The following SLIT3 variants were observed in gnomAD, a reference collection of about 807,000 sequenced individuals.
The protein encoded by SLIT3 is slit homolog 3 protein.
Under a neutral mutation model 184.0 loss-of-function variants are expected in SLIT3, and 68 were observed. The ratio of observed to expected loss-of-function variants is 0.37; its 90% CI spans 0.30 to 0.45. The LOEUF (loss-of-function observed/expected upper bound fraction) is 0.45. Ranked by LOEUF, SLIT3 falls within the 20% of genes least tolerant of loss-of-function variation. The pLI, the probability that SLIT3 is intolerant of heterozygous loss-of-function variation, is 1.00. For missense variants in SLIT3, 1,707 were observed against 2,026.0 expected (o/e 0.84, Z 3.02); for synonymous variants, 831 against 828.6 (o/e 1.00, Z -0.05).
intron 4 of SLIT3, among the ~76,000 whole-genome samples, chr5:169,056,560 T>C (rs1177476785): frequency 6.6e-6 from 1 of 152,032 alleles, no homozygotes; most frequent in African/African-American, 2.4e-5. Flanking sequence ...AATGGATCGT[T>C]GGCCACCTTC....
intron 1 of SLIT3, among the ~76,000 whole-genome samples, chr5:169,284,447 T>C (rs1458995227): frequency 6.6e-6 from 1 of 152,088 alleles, no homozygotes; most frequent in African/African-American, 2.4e-5. Flanking sequence ...GCATGAGTCA[T>C]TGTTCAGTGC....
rs1206395556 is a variant in SLIT3, at chr5:168,664,956, G to A, written c.*1498C>T. 2 of 152,256 alleles carry A rather than the reference G, an allele frequency of 1.3e-5. No homozygotes were observed. Among genetic ancestry groups the A allele is most frequent in the South Asian group, 4.1e-4 (2 of 4,830 alleles). The allele number at this position is 152,256 out of a possible 1,614,324, so 9.4% of individuals were successfully genotyped here. ...AGAATCTTTCCAGATACTGCGGAGG[G>A]AGAAGGAGTGAGCAAGGCAGAACAA... On this transcript the variant is annotated 3_prime_UTR_variant, in exon 36 of 36. Coordinates refer to ENST00000519560, the MANE Select transcript of SLIT3 (RefSeq NM_003062.4).
chr5:169,027,337 T>A (rs1046767650), intron 4 of SLIT3, among the ~76,000 whole-genome samples: 1 of 152,180 alleles, frequency 6.6e-6, no homozygotes, highest in African/African-American at 2.4e-5. Flanking sequence ...GTTATAATAT[T>A]TCTTGATGCT....
chr5:168,837,397 C>G (rs1255639680), intron 6 of SLIT3, among the ~76,000 whole-genome samples: 1 of 152,148 alleles, frequency 6.6e-6, no homozygotes, highest in Admixed American at 6.5e-5. Context: ...CTGTAACACA[C>G]CAATTTTCAC....
intron 1 of SLIT3, among the ~76,000 whole-genome samples, chr5:169,295,146 A>G (rs1461658270): frequency 6.6e-6 from 1 of 152,260 alleles, no homozygotes; most frequent in Non-Finnish European, 1.5e-5. Context: ...CTATGACATT[A>G]CAAAAGCTAC....
intron 5 of SLIT3, among the ~76,000 whole-genome samples, chr5:168,874,943 G>C (rs911998980): frequency 9.2e-5 from 14 of 152,182 alleles, no homozygotes; most frequent in African/African-American, 3.4e-4. Context: ...AAATTCACTA[G>C]AGCAGGACCG....
chr5:168,940,290 T>C (rs1397604198), intron 4 of SLIT3, among the ~76,000 whole-genome samples: 2 of 152,246 alleles, frequency 1.3e-5, no homozygotes, highest in Non-Finnish European at 2.9e-5. Flanking sequence ...GGTGCTTCTA[T>C]AGTTTGTCAT....
intron 20 of SLIT3, among the ~76,000 whole-genome samples, chr5:168,730,034 T>C (rs1180155742): frequency 2.6e-5 from 4 of 151,666 alleles, no homozygotes; most frequent in African/African-American, 9.7e-5. Flanking sequence ...AAAAAGATAT[T>C]CCATACAAAC....
Position 168,710,902 on chromosome 5 carries a change from C to T in SLIT3, c.2712G>A (p.Gln904=). Residue 904 remains glutamine, a synonymous_variant, in exon 25 of 36, where the codon CAG becomes CAA. Coordinates refer to ENST00000519560, the MANE Select transcript of SLIT3 (RefSeq NM_003062.4). ...GGTGTGGGCGTCACCTACCTTTGCA[C>T]TGGAAGCGGTGGGTTGGGGTGGTGA... ...LLLTTPTHRF[Q]CKGPVDINIV... 2 of 1,544,294 alleles carry T rather than the reference C, an allele frequency of 1.3e-6. No homozygotes were observed. Among genetic ancestry groups the T allele is most frequent in the Non-Finnish European group, 1.8e-6 (2 of 1,141,750 alleles).
chr5:169,183,351 G>GGT (rs1203546118), intron 4 of SLIT3, among the ~76,000 whole-genome samples: 1 of 152,200 alleles, frequency 6.6e-6, no homozygotes, highest in African/African-American at 2.4e-5. Context: ...TGTGCGAGGA[G>GGT]GTGAGCTTGT....
chr5:169,135,978 C>T lies in SLIT3; in HGVS notation c.413+57501G>A, dbSNP rs538814846. Among the ~76,000 whole-genome samples the T allele has an allele frequency of 1.2e-4, 19 of 152,346 alleles. No homozygotes were observed. In the South Asian group the frequency reaches 3.1e-3, roughly 25 times the overall value. On this transcript the variant is annotated intron_variant, in intron 4 of 35. Transcript: ENST00000519560. ...CATTACAGATCACTTCTCTATATCA[C>T]GGACACGGATACACAAACTCCTTTC... is the stretch of plus-strand genomic sequence containing the variant.
chr5:168,681,058 A>G (rs1761574997), intron 32 of SLIT3, among the ~76,000 whole-genome samples: 1 of 152,212 alleles, frequency 6.6e-6, no homozygotes, highest in South Asian at 2.1e-4. Context: ...CTGAGGTAGG[A>G]GGATCACTTG....
At chr5:168,723,826 G>A (rs1032430688) in intron 21 of SLIT3, among the ~76,000 whole-genome samples, 8 of 152,016 alleles carry the variant, frequency 5.3e-5, no homozygotes, top group African/African-American at 1.9e-4. Context: ...TGATTTAATT[G>A]GTCTAGCATG....
At chr5:168,789,984 A>T (rs1444374585) in intron 10 of SLIT3, 1 of 204,098 alleles carries the variant, frequency 4.9e-6, no homozygotes, top group East Asian at 1.3e-4. Flanking sequence ...TTAACGACAC[A>T]GATGAAACAG....
At chr5:168,985,724 C>T (rs1431227284) in intron 4 of SLIT3, among the ~76,000 whole-genome samples, 6 of 152,098 alleles carry the variant, frequency 3.9e-5, no homozygotes, top group South Asian at 4.1e-4. Flanking sequence ...CACCTTGAAC[C>T]GGGAGGCTGT....
At chr5:168,789,687 A>G in intron 10 of SLIT3, 56 bp from the exon 11 acceptor site, 1 of 1,306,620 alleles carries the variant, frequency 7.7e-7, no homozygotes. Flanking sequence ...GATAACGGTC[A>G]CTCCTAAGTG....
chr5:168,788,736 T>C (rs1241671678), intron 11 of SLIT3, among the ~76,000 whole-genome samples: 1 of 151,918 alleles, frequency 6.6e-6, no homozygotes, highest in Non-Finnish European at 1.5e-5. Context: ...GAGATGACAA[T>C]ATATTTTATA....
At chr5:169,167,242 C>A (rs1325863062) in intron 4 of SLIT3, among the ~76,000 whole-genome samples, 2 of 145,390 alleles carry the variant, frequency 1.4e-5, no homozygotes, top group African/African-American at 2.6e-5. Flanking sequence ...TGAATGACTT[C>A]TTGGTTCCAG....
Position 168,907,028 on chromosome 5 carries a change from T to A in SLIT3, c.414-23692A>T, listed in dbSNP as rs115026403. 5.4e-3 allele frequency among the ~76,000 whole-genome samples: 819 copies of A among 152,152 alleles called. 7 individuals are homozygous for A. The highest frequency in any genetic ancestry group is 0.019 in the African/African-American group (790 of 41,500). ...GGTGCACGCCACCAAGCCCGGCTAA[T>A]GTTTTGAATTTTAGTGGAGACAGGG... On this transcript the variant is annotated intron_variant, in intron 4 of 35. Transcript: ENST00000519560.
Sources: allele counts gnomAD v4.1 joint callset (sites outside exome capture counted in the v4.1 genomes callset), GRCh38; gene constraint gnomAD v4.1.1; transcripts MANE v1.5; gene names NCBI Gene and HGNC (gene_info 2026-07-23, HGNC 2026-07-21).